MICOS13: variants seen among roughly 807,000 people sequenced by gnomAD.
The protein encoded by MICOS13 is mitochondrial contact site and cristae organizing system subunit 13.
MICOS13 carries 15 observed loss-of-function variants against 16.1 expected under a neutral mutation model. That is an observed-to-expected ratio of 0.93 (90% CI 0.62 to 1.44). MICOS13 has a LOEUF of 1.44. MICOS13 is among the 40% of genes most tolerant of loss of function. The pLI, the probability that MICOS13 is intolerant of heterozygous loss-of-function variation, is 0.00. For missense variants in MICOS13, 164 were observed against 155.0 expected (o/e 1.06, Z -0.31); for synonymous variants, 61 against 62.6 (o/e 0.97, Z 0.12).
chr19:5,679,131 C>T (rs1371991414), intron 3 of MICOS13: 6 of 550,584 alleles, frequency 1.1e-5, no homozygotes, highest in African/African-American at 3.8e-5. Flanking sequence ...AGGCTGGTCT[C>T]GAACTCCTGA....
At chr19:5,679,114 G>A (rs1394727601) in intron 3 of MICOS13, 4 of 514,870 alleles carry the variant, frequency 7.8e-6, no homozygotes, top group Non-Finnish European at 1.4e-5. Flanking sequence ...GTTTCACCAT[G>A]TTGCCCAGGC....
Position 5,679,512 on chromosome 19 carries a change from A to G in MICOS13, c.207+74T>C, listed in dbSNP as rs564746139. 1.8e-5 allele frequency: 28 copies of G among 1,594,188 alleles called. 2 individuals carry two copies. In the South Asian group the frequency reaches 3.1e-4, roughly 18 times the overall value. ...GGTCAGCATCAATATGGAGGACAAC[A>G]TCGTGCAGGGCTGGAGGGACCTCCC... is the stretch of plus-strand genomic sequence containing the variant. On this transcript the variant is annotated intron_variant, in intron 2 of 3. Coordinates refer to ENST00000309324, the MANE Select transcript of MICOS13 (RefSeq NM_205767.3).
intron 3 of MICOS13, 110 bp from the exon 4 acceptor site, chr19:5,678,758 CGGGG>C: frequency 3.8e-6 from 1 of 264,242 alleles, no homozygotes; most frequent in Non-Finnish European, 7.5e-6. Flanking sequence ...GGGTGGGGGG[CGGGG>C]ATGGAGTCTC....
At chr19:5,679,563 G>C in intron 2 of MICOS13, 23 bp downstream of exon 2, 1 of 1,605,428 alleles carries the variant, frequency 6.2e-7, no homozygotes, top group Non-Finnish European at 8.5e-7. Context: ...CCAAACCCTG[G>C]CCTCGTTCCC....
In MICOS13 at chr19:5,680,204, G is replaced by A. The variant is rs574010397; in HGVS notation, c.29+254C>T. On this transcript the variant is annotated intron_variant, in intron 1 of 3. Coordinates refer to ENST00000309324, the MANE Select transcript of MICOS13 (RefSeq NM_205767.3). ...CCCACCTCACAGAGAAGACAACTGA[G>A]GCTCGGAGGCGGAGGCTGACACCGC... 9.1e-6 allele frequency: 14 copies of A among 1,539,196 alleles called. No individual in the cohort carries two copies. The Admixed American group carries it at 2.3e-4, about 26-fold the overall frequency.
Position 5,679,372 on chromosome 19 carries a change from A to C in MICOS13, c.232T>G (p.Phe78Val), listed in dbSNP as rs774822596. The change falls in exon 3 of 4, where the codon TTT (phenylalanine) becomes GTT (valine). Residue 78 changes from phenylalanine (F) to valine (V), a missense_variant. Phe to Val is a conservative substitution (Grantham distance 50). Transcript: ENST00000309324. ...PQLPAPPKIY[F>V]PIRDSWNAGI... ...GCATTCCAGGAGTCACGGATGGGAAAGTAAATCTTTGGAGGGGCTGGGAGC... is the reference window on the plus strand; with the variant it reads ...GCATTCCAGGAGTCACGGATGGGAACGTAAATCTTTGGAGGGGCTGGGAGC... The C allele has an allele frequency of 6.2e-7, 1 of 1,613,770 alleles. No individual in the cohort carries two copies. Among genetic ancestry groups the C allele is most frequent in the South Asian group, 1.1e-5 (1 of 91,054 alleles).
chr19:5,679,940 T>C (rs2054502438), intron 1 of MICOS13, 177 bp from the exon 2 acceptor site: 12 of 1,379,608 alleles, frequency 8.7e-6, no homozygotes, highest in Non-Finnish European at 1.2e-5. Flanking sequence ...TTTTACAACG[T>C]GCAAGGCAGG....
At chr19:5,679,132 G>A (rs377165763) in intron 3 of MICOS13, 3 of 552,104 alleles carry the variant, frequency 5.4e-6, no homozygotes, top group African/African-American at 3.8e-5. Context: ...GGCTGGTCTC[G>A]AACTCCTGAC....
At chr19:5,680,141 A>C (rs778006289) in intron 1 of MICOS13, 2 of 1,535,950 alleles carry the variant, frequency 1.3e-6, no homozygotes, top group African/African-American at 2.7e-5. Context: ...GCACGCATTC[A>C]CTTCTCATCC....
In MICOS13 at chr19:5,680,466, C is replaced by T. The variant is rs140704076; in HGVS notation, c.21G>A (p.Ser7=). Residue 7 remains serine, a synonymous_variant, in exon 1 of 4, where the codon TCG becomes TCA. Transcript: ENST00000309324. ...CCGGCGCCCCCACGCACCTCATCAG[C>T]GACCACACCCGGGCCACCATGGTCG... MVARVW[S]LMRFLIKGSV... is the part of the protein sequence containing the mutation. 2.7e-5 allele frequency: 43 copies of T among 1,610,940 alleles called. No homozygotes were observed. The highest frequency in any genetic ancestry group is 4.5e-5 in the East Asian group (2 of 44,874).
At chr19:5,679,509 A>G in intron 2 of MICOS13, 77 bp downstream of exon 2, 1 of 1,593,756 alleles carries the variant, frequency 6.3e-7, no homozygotes, top group East Asian at 2.2e-5. Flanking sequence ...TATGGAGGAC[A>G]ACATCGTGCA....
chr19:5,678,572 A>G lies in MICOS13; in HGVS notation c.336T>C (p.Tyr112=). ...AREYSKEGWE[Y]VKARTK is the part of the protein sequence containing the mutation. ...CTCGCTACTTGGTGCGCGCCTTCACATACTCCCAGCCCTCCTTGGAGTACT... is the reference window on the plus strand; with the variant it reads ...CTCGCTACTTGGTGCGCGCCTTCACGTACTCCCAGCCCTCCTTGGAGTACT... The change falls in exon 4 of 4, where the codon TAT becomes TAC. Residue 112 remains tyrosine, a synonymous_variant. Coordinates refer to ENST00000309324, the MANE Select transcript of MICOS13 (RefSeq NM_205767.3). 6.5e-7 allele frequency: 1 copy of G among 1,549,410 alleles called. No individual in the cohort carries two copies.
At chr19:5,679,273 G>A in intron 3 of MICOS13, 72 bp downstream of exon 3, 1 of 1,456,826 alleles carries the variant, frequency 6.9e-7, no homozygotes, top group Non-Finnish European at 9.5e-7. Flanking sequence ...GGACAGAAAG[G>A]AATGGCCAGG....
Position 5,679,639 on chromosome 19 carries a change from T to C in MICOS13, c.154A>G (p.Met52Val), listed in dbSNP as rs1236134634. 1.2e-6 allele frequency: 2 copies of C among 1,611,300 alleles called. No homozygotes were observed. Among genetic ancestry groups the C allele is most frequent in the East Asian group, 2.2e-5 (1 of 44,866 alleles). Residue 52 changes from methionine (M) to valine (V), a missense_variant, in exon 2 of 4, where the codon ATG (methionine) becomes GTG (valine). Met to Val is a conservative substitution (Grantham distance 21). Transcript: ENST00000309324. Reference protein sequence around the residue: ...QKAGEVVPPAMYQFSQYVCQQ... With the variant: ...QKAGEVVPPAVYQFSQYVCQQ... The stretch of plus-strand genomic sequence containing the variant: ...CACACGTACTGGCTGAACTGGTACA[T>C]GGCGGGGGGGACCACCTCCCCAGCC...
At chr19:5,679,305 T>G in intron 3 of MICOS13, 40 bp downstream of exon 3, 1 of 1,579,414 alleles carries the variant, frequency 6.3e-7, no homozygotes, top group Non-Finnish European at 8.7e-7. Context: ...GGGGCTAGAC[T>G]GGGGTGTCTC....
intron 1 of MICOS13, 186 bp from the exon 2 acceptor site, chr19:5,679,949 G>A: frequency 7.2e-7 from 1 of 1,394,266 alleles, no homozygotes. Flanking sequence ...GTGCAAGGCA[G>A]GGCGGCTGGA....
chr19:5,678,721 TAG>T (rs1438771112), intron 3 of MICOS13, 73 bp from the exon 4 acceptor site: 2 of 900,818 alleles, frequency 2.2e-6, no homozygotes, highest in African/African-American at 3.6e-5. Context: ...TGGGAAACTC[TAG>T]AGTTTGTTTT....
intron 2 of MICOS13, 63 bp downstream of exon 2, chr19:5,679,523 C>T (rs2054492642): frequency 1.3e-6 from 2 of 1,596,124 alleles, no homozygotes; most frequent in Non-Finnish European, 1.7e-6. Flanking sequence ...TCGTGCAGGG[C>T]TGGAGGGACC....
At chr19:5,679,291 G>A in intron 3 of MICOS13, 54 bp downstream of exon 3, 3 of 1,530,348 alleles carry the variant, frequency 2.0e-6, no homozygotes, top group South Asian at 2.3e-5. Flanking sequence ...AGGAAGTGGG[G>A]AGAGGGGCTA....
Sources: gnomAD v4.1 joint callset for allele counts on GRCh38, gnomAD v4.1.1 for gene constraint, MANE v1.5 for transcripts, NCBI Gene and HGNC (gene_info 2026-07-23, HGNC 2026-07-21) for gene names.